Variants in MYO7B observed in about 807,000 individuals in gnomAD.
MYO7B encodes the protein myosin VIIB, also known as unconventional myosin-VIIb.
A neutral mutation model predicts 259.7 loss-of-function variants in MYO7B; 212 were observed. That is an observed-to-expected ratio of 0.82 (90% confidence interval 0.73 to 0.91). The LOEUF (loss-of-function observed/expected upper bound fraction) is 0.91, where lower values mean the gene tolerates loss of function less well. MYO7B is among the 40% of genes least tolerant of loss of function. MYO7B has a pLI of 0.00. For synonymous variants in MYO7B, 1,197 were observed against 1,166.4 expected, an observed-to-expected ratio of 1.03 and a Z score of -0.54; for missense variants, 2,732 against 2,813.5, an observed-to-expected ratio of 0.97 and a Z score of 0.66.
At position 127,614,149 on chromosome 2, in the gene MYO7B, A is replaced by G. The variant is rs1350386106; in HGVS notation, c.3398+1546A>G. 6.6e-6 allele frequency among the ~76,000 whole-genome samples: 1 copy of G among 152,150 alleles called. No individual in the cohort carries two copies. The highest frequency in any genetic ancestry group is 1.9e-4 in the East Asian group (1 of 5,194). ...AATATGGCAGACACATAAAAGCTATATTCGAATGATGTGTACTTTGGGTTC... is the reference window on the plus strand; with the variant it reads ...AATATGGCAGACACATAAAAGCTATGTTCGAATGATGTGTACTTTGGGTTC... On this transcript the variant is annotated intron_variant, in intron 26 of 47. Coordinates refer to ENST00000409816, the MANE Select transcript of MYO7B (RefSeq NM_001393586.1). The surrounding 1 kb of genome is among the most constrained non-coding windows in gnomAD (Gnocchi z 4.6).
chr2:127,563,942 G>T (rs1247412166), intron 2 of MYO7B, among the ~76,000 whole-genome samples: 1 of 152,232 alleles, frequency 6.6e-6, no homozygotes. Context: ...ACAAGACAAA[G>T]ACATGGAGAG....
chr2:127,578,235 G>A lies in MYO7B; in HGVS notation c.952G>A (p.Val318Ile), dbSNP rs1157348404. ...GTTCTCCGACTCCGAGAGCTGGGAC[G>A]TCATCAAGCTGCTGGCTGCCATTCT... ...LQFSDSESWD[V>I]IKLLAAILHL... Residue 318 changes from valine to isoleucine, a missense_variant, in exon 9 of 48, where the codon GTC becomes ATC. Transcript: ENST00000409816. 3.5e-5 allele frequency: 57 copies of A among 1,613,604 alleles called. No individual in the cohort carries two copies. Among genetic ancestry groups the A allele is most frequent in the Non-Finnish European group, 4.4e-5 (52 of 1,179,862 alleles).
chr2:127,558,469 C>T (rs1677919764), intron 1 of MYO7B, among the ~76,000 whole-genome samples: 3 of 152,168 alleles, frequency 2.0e-5, no homozygotes, highest in Admixed American at 1.3e-4. Flanking sequence ...GTAGAACTTC[C>T]ATTTGATGCA....
rs1573662740 is a variant in MYO7B, at chr2:127,590,469, C to T, written c.1992+240C>T. On this transcript the variant is annotated intron_variant, in intron 16 of 47. Coordinates refer to ENST00000409816, the MANE Select transcript of MYO7B (RefSeq NM_001393586.1). The surrounding 1 kb of genome is among the most constrained non-coding windows in gnomAD (Gnocchi z 4.6). ...TTAGCTCCGCCATGCATCTTCTGTG[C>T]GTTCTTGGCCTGGCTCTTTGCTGCT... Among the ~76,000 whole-genome samples, 1 of 152,376 alleles carries T rather than the reference C, an allele frequency of 6.6e-6. No homozygotes were observed.
rs1462481564 is a variant in MYO7B at position 127,623,285 on chromosome 2, C to T, written c.3729C>T (p.Ser1243=). 1.9e-6 allele frequency: 3 copies of T among 1,613,506 alleles called. No homozygotes were observed. The African/African-American group carries it at 4.0e-5, about 22-fold the overall frequency. The change falls in exon 29 of 48, where the codon TCC becomes TCT. Residue 1243 remains serine (S), a synonymous_variant. Coordinates refer to ENST00000409816, the MANE Select transcript of MYO7B (RefSeq NM_001393586.1). The part of the protein sequence containing the change: ...ESLTVPVDSA[S]TSREMCMHIA... ...TAACCGTCCCCGTGGACTCAGCCTC[C>T]ACATCTCGGGAAATGTGCATGCACA...
intron 1 of MYO7B, among the ~76,000 whole-genome samples, chr2:127,541,971 G>T (rs1241240823): frequency 6.6e-6 from 1 of 152,232 alleles, no homozygotes; most frequent in African/African-American, 2.4e-5. Flanking sequence ...GCAGTGGGTT[G>T]GCTGGGCCCT....
chr2:127,617,781 C>T (rs1029748367), intron 26 of MYO7B, among the ~76,000 whole-genome samples: 5 of 151,088 alleles, frequency 3.3e-5, no homozygotes, highest in Admixed American at 6.6e-5. Context: ...GGATTACAGG[C>T]GTGAGCCACC....
chr2:127,569,315 A>C (rs1452410791), intron 5 of MYO7B, among the ~76,000 whole-genome samples: 1 of 152,096 alleles, frequency 6.6e-6, no homozygotes, highest in Non-Finnish European at 1.5e-5. Flanking sequence ...TTGAAGCTGG[A>C]TAATGGGACT....
chr2:127,541,660 G>A (rs1005740389), intron 1 of MYO7B, among the ~76,000 whole-genome samples: 22 of 152,232 alleles, frequency 1.4e-4, no homozygotes, highest in African/African-American at 5.3e-4. Flanking sequence ...ACATGGTGGG[G>A]AGGGATAAAC....
At chr2:127,543,359 C>T (rs1463936856) in intron 1 of MYO7B, among the ~76,000 whole-genome samples, 2 of 152,056 alleles carry the variant, frequency 1.3e-5, no homozygotes, top group East Asian at 3.8e-4. Context: ...CCTGCACAGC[C>T]GTAAATCCAT....
chr2:127,547,863 TTC>T (rs1301756252), intron 1 of MYO7B, among the ~76,000 whole-genome samples: 2 of 152,224 alleles, frequency 1.3e-5, no homozygotes, highest in Non-Finnish European at 2.9e-5. Flanking sequence ...TTTCCTCTGC[TTC>T]TGTTTCCTGG....
At chr2:127,606,821 G>T (rs1680169831) in intron 20 of MYO7B, among the ~76,000 whole-genome samples, 1 of 152,208 alleles carries the variant, frequency 6.6e-6, no homozygotes, top group Non-Finnish European at 1.5e-5. Context: ...CCTCCACACG[G>T]GTGTGCTAGC....
chr2:127,551,307 T>C (rs527254943), intron 1 of MYO7B, among the ~76,000 whole-genome samples: 8 of 152,346 alleles, frequency 5.3e-5, no homozygotes, highest in African/African-American at 1.4e-4. Flanking sequence ...CAATGTTGGC[T>C]GAGCTATGGT....
chr2:127,633,386 A>T, intron 40 of MYO7B, 23 bp downstream of exon 40: 4 of 1,607,894 alleles, frequency 2.5e-6, no homozygotes, highest in Non-Finnish European at 3.4e-6. Flanking sequence ...TCTGGTCTGC[A>T]CGGCAAGTCT....
chr2:127,582,573 C>T (rs553685312), intron 12 of MYO7B, 127 bp downstream of exon 12: 31 of 1,135,704 alleles, frequency 2.7e-5, no homozygotes, highest in Non-Finnish European at 3.5e-5. Context: ...CCACCAGATC[C>T]GTGTGCTCTG....
chr2:127,599,354 G>C (rs1679880342), intron 19 of MYO7B, among the ~76,000 whole-genome samples: 1 of 152,174 alleles, frequency 6.6e-6, no homozygotes, highest in African/African-American at 2.4e-5. Flanking sequence ...TTCATTGCTA[G>C]CAAATAGAAA....
chr2:127,630,575 A>C (rs1031902037), intron 35 of MYO7B, among the ~76,000 whole-genome samples: 1 of 152,160 alleles, frequency 6.6e-6, no homozygotes, highest in Non-Finnish European at 1.5e-5. Context: ...TCACCCTCCC[A>C]AGGGAAAGGA....
Position 127,586,015 on chromosome 2 carries a change from T to C in MYO7B, c.1690+1102T>C, listed in dbSNP as rs533607014. ...AATTTTTTTCTCATTCTGTGGATTG[T>C]CTTTTCATCTGCTTGACGGTGTCCT... On this transcript the variant is annotated intron_variant, in intron 14 of 47. Coordinates refer to ENST00000409816, the MANE Select transcript of MYO7B (RefSeq NM_001393586.1). This position sits in a 1 kb window ranked among gnomAD's most constrained non-coding sequence, Gnocchi z 4.8. Among the ~76,000 whole-genome samples the C allele has an allele frequency of 6.6e-6, 1 of 152,248 alleles. No homozygotes were observed. The highest frequency in any genetic ancestry group is 2.4e-5 in the African/African-American group (1 of 41,464).
rs1304341094 is a variant in MYO7B, at chr2:127,584,439, A to C, written c.1554+107A>C. 1 of 1,218,928 alleles carries C rather than the reference A, an allele frequency of 8.2e-7. No individual in the cohort carries two copies. Among genetic ancestry groups the C allele is most frequent in the Non-Finnish European group, 1.2e-6 (1 of 866,282 alleles). 75.5% of individuals were successfully genotyped at this position (1,218,928 alleles called of 1,614,324 possible). ...GGGCCACTTGTTCTGAGAGTCACTA[A>C]AACCTCTGCCAGGAATAAGCAGAAG... On this transcript the variant is annotated intron_variant, in intron 13 of 47. Coordinates refer to ENST00000409816, the MANE Select transcript of MYO7B (RefSeq NM_001393586.1). This position sits in a 1 kb window ranked among gnomAD's most constrained non-coding sequence, Gnocchi z 5.8.
Sources: gnomAD v4.1 joint callset for allele counts (sites outside exome capture counted in the v4.1 genomes callset) on GRCh38, gnomAD v4.1.1 for gene constraint, Gnocchi (gnomAD v3.1) non-coding constraint, MANE v1.5 for transcripts, NCBI Gene and HGNC (gene_info 2026-07-23, HGNC 2026-07-21) for gene names.